The following GABRB2 variants were observed in gnomAD, a reference collection of about 807,000 sequenced individuals.
The protein encoded by GABRB2 is gamma-aminobutyric acid type A receptor subunit beta2.
Under a neutral mutation model 54.7 loss-of-function variants are expected in GABRB2, and 16 were observed. That is an observed-to-expected ratio of 0.29 (90% CI 0.20 to 0.44). The LOEUF is 0.44. Among genes scored for constraint, GABRB2 ranks in the 20% least tolerant of loss-of-function variants. The probability of loss-of-function intolerance (pLI) is 1.00; values close to 1 mark genes in which losing one functional copy is unlikely to be tolerated. For missense variants in GABRB2, 355 were observed against 644.0 expected, an observed-to-expected ratio of 0.55 and a Z score of 4.86; for synonymous variants, 244 against 233.8, an observed-to-expected ratio of 1.04 and a Z score of -0.40.
intron 5 of GABRB2, among the ~76,000 whole-genome samples, chr5:161,400,725 T>C (rs985024607): frequency 6.6e-6 from 1 of 152,164 alleles, no homozygotes. Context: ...TTGTAACTGC[T>C]CCTGGCTGTT....
chr5:161,382,972 G>A (rs760238457), intron 5 of GABRB2, among the ~76,000 whole-genome samples: 11 of 152,264 alleles, frequency 7.2e-5, no homozygotes, highest in Middle Eastern at 3.4e-3. Context: ...GCGAGACTTG[G>A]ATGGACATCA....
chr5:161,404,444 T>G (rs1271930450), intron 5 of GABRB2, among the ~76,000 whole-genome samples: 1 of 151,948 alleles, frequency 6.6e-6, no homozygotes, highest in Admixed American at 6.6e-5. Context: ...CCTAAAATAT[T>G]TATCAGCTTC....
intron 5 of GABRB2, among the ~76,000 whole-genome samples, chr5:161,345,865 GT>G (rs531062736): frequency 1.6e-3 from 246 of 152,118 alleles, no homozygotes; most frequent in Middle Eastern, 6.8e-3. Context: ...CTTAATACAG[GT>G]CTTAATTCAG....
At chr5:161,314,706 C>T (rs1757973350) in intron 9 of GABRB2, among the ~76,000 whole-genome samples, 1 of 151,836 alleles carries the variant, frequency 6.6e-6, no homozygotes, top group Non-Finnish European at 1.5e-5. Context: ...CTGCCATCTC[C>T]CTTCCTTCCT....
At chr5:161,502,872 T>C (rs368990798) in intron 3 of GABRB2, among the ~76,000 whole-genome samples, 5 of 152,296 alleles carry the variant, frequency 3.3e-5, no homozygotes, top group East Asian at 1.9e-4. Context: ...GGTTTTTTCA[T>C]TGAGACATGG....
intron 2 of GABRB2, among the ~76,000 whole-genome samples, chr5:161,545,588 C>A (rs996309318): frequency 1.6e-4 from 24 of 152,152 alleles, no homozygotes; most frequent in African/African-American, 5.6e-4. Flanking sequence ...CACAGAAGCA[C>A]AAGAATCCTT....
In GABRB2 at chr5:161,366,444, C is replaced by A. The variant is rs12054989; in HGVS notation, c.542-29675G>T. Reference sequence around the variant, plus strand: ...TGCACAAAGGACTATAAATTTAGAACCAATCATTTGACATTATCTGAACAA... The same window carrying A: ...TGCACAAAGGACTATAAATTTAGAAACAATCATTTGACATTATCTGAACAA... On this transcript the variant is annotated intron_variant, in intron 5 of 9. Transcript: ENST00000393959. Among the ~76,000 whole-genome samples, 220 of 152,134 alleles carry A rather than the reference C, an allele frequency of 1.4e-3. 1 individual carries two copies. In the East Asian group the frequency reaches 0.03, roughly 21 times the overall value.
intron 3 of GABRB2, among the ~76,000 whole-genome samples, chr5:161,539,059 T>G (rs1358579531): frequency 6.6e-6 from 1 of 152,212 alleles, no homozygotes; most frequent in Non-Finnish European, 1.5e-5. Context: ...AATTTGTGTA[T>G]GTGTTTACTA....
chr5:161,543,332 A>T (rs1444439279), intron 3 of GABRB2, among the ~76,000 whole-genome samples: 2 of 152,352 alleles, frequency 1.3e-5, no homozygotes, highest in Non-Finnish European at 2.9e-5. Context: ...AATAGAACTT[A>T]AAGGAAAGAA....
At chr5:161,322,548 T>C (rs1050329845) in intron 9 of GABRB2, among the ~76,000 whole-genome samples, 2 of 152,230 alleles carry the variant, frequency 1.3e-5, no homozygotes, top group African/African-American at 4.8e-5. Context: ...GAAGTGTTTA[T>C]TATTATCAGC....
intron 2 of GABRB2, among the ~76,000 whole-genome samples, 164 bp from the exon 3 acceptor site, chr5:161,545,458 T>C (rs945645634): frequency 1.5e-5 from 2 of 134,424 alleles, no homozygotes; most frequent in Non-Finnish European, 3.2e-5. Context: ...AAAAAAAAGG[T>C]AGCAGGCACA....
intron 3 of GABRB2, among the ~76,000 whole-genome samples, chr5:161,460,110 CTTTG>C: frequency 6.6e-6 from 1 of 152,150 alleles, no homozygotes; most frequent in South Asian, 2.1e-4. Context: ...GCACCCAGCT[CTTTG>C]TTTGTATTTT....
At chr5:161,342,488 T>C (rs1561615121) in intron 5 of GABRB2, among the ~76,000 whole-genome samples, 1 of 152,182 alleles carries the variant, frequency 6.6e-6, no homozygotes, top group East Asian at 1.9e-4. Flanking sequence ...ATTTTGGCTC[T>C]CTATTATAGA....
intron 9 of GABRB2, among the ~76,000 whole-genome samples, chr5:161,305,465 T>A (rs1394099482): frequency 6.6e-6 from 1 of 152,104 alleles, no homozygotes; most frequent in Non-Finnish European, 1.5e-5. Flanking sequence ...TTCAGGGAGG[T>A]AGGAATGAGA....
intron 3 of GABRB2, among the ~76,000 whole-genome samples, chr5:161,543,064 T>C (rs761568560): frequency 6.6e-6 from 1 of 152,240 alleles, no homozygotes; most frequent in Non-Finnish European, 1.5e-5. Flanking sequence ...GACAAATCCA[T>C]GGGTGTAGCA....
Position 161,545,861 on chromosome 5 carries a change from G to A in GABRB2, c.169+461C>T, listed in dbSNP as rs1760968178. Among the ~76,000 whole-genome samples the A allele has an allele frequency of 2.6e-5, 4 of 152,076 alleles. No individual in the cohort carries two copies. The South Asian group carries it at 8.3e-4, about 32-fold the overall frequency. ...GGCTGGGAGGAGTGGATTATATCCAGACATGAGCCACTGTAACCCTGGCCA... is the reference window on the plus strand; with the variant it reads ...GGCTGGGAGGAGTGGATTATATCCAAACATGAGCCACTGTAACCCTGGCCA... On this transcript the variant is annotated intron_variant, in intron 2 of 9. Transcript: ENST00000393959.
rs566100285 is a variant in GABRB2 at position 161,545,138 on chromosome 5, A to T, written c.237+89T>A. On this transcript the variant is annotated intron_variant, in intron 3 of 9. Coordinates refer to ENST00000393959, the MANE Select transcript of GABRB2 (RefSeq NM_001371727.1). The stretch of plus-strand genomic sequence containing the variant: ...CCCCACCTCATACACATAGCCAAGC[A>T]CACCCCCACCCCCAATAGCTGGCTC... The T allele has an allele frequency of 5.8e-5, 54 of 936,226 alleles. No homozygotes were observed. The African/African-American group carries it at 8.6e-4, about 15-fold the overall frequency. 58.0% of individuals were successfully genotyped at this position (936,226 alleles called of 1,614,324 possible).
rs1354859275 is a variant in GABRB2 at position 161,292,674 on chromosome 5, G to T, written c.*1407C>A. ...TTCCACTAGTTTTCATATTTTCCTT[G>T]ATTAGGCAGATTGCAACATATACAA... is the stretch of plus-strand genomic sequence containing the variant. On this transcript the variant is annotated 3_prime_UTR_variant, in exon 10 of 10. Coordinates refer to ENST00000393959, the MANE Select transcript of GABRB2 (RefSeq NM_001371727.1). The T allele has an allele frequency of 6.6e-6, 1 of 152,216 alleles. No homozygotes were observed. Among genetic ancestry groups the T allele is most frequent in the Middle Eastern group, 3.4e-3 (1 of 294 alleles). 9.4% of individuals were successfully genotyped at this position (152,216 alleles called of 1,614,324 possible). A position where few individuals can be genotyped will look rare whatever the true frequency, so the allele number is the denominator to read the frequency against.
chr5:161,368,455 G>A (rs1458060312), intron 5 of GABRB2, among the ~76,000 whole-genome samples: 1 of 152,002 alleles, frequency 6.6e-6, no homozygotes, highest in Admixed American at 6.6e-5. Context: ...TCAAACAATT[G>A]TTTCTCAAAT....
Sources: gnomAD v4.1 joint callset for allele counts (sites outside exome capture counted in the v4.1 genomes callset) on GRCh38, gnomAD v4.1.1 for gene constraint, MANE v1.5 for transcripts, NCBI Gene and HGNC (gene_info 2026-07-23, HGNC 2026-07-21) for gene names.